The following TALDO1 variants were observed in gnomAD, a reference collection of about 807,000 sequenced individuals.
TALDO1 encodes transaldolase 1, also known as transaldolase.
Under a neutral mutation model 38.1 loss-of-function variants are expected in TALDO1, and 29 were observed. The ratio of observed to expected loss-of-function variants is 0.76; its 90% CI spans 0.57 to 1.04. The LOEUF (loss-of-function observed/expected upper bound fraction) is 1.04, where lower values mean the gene tolerates loss of function less well. Among genes scored for constraint, TALDO1 ranks in the 50% least tolerant of loss-of-function variants. TALDO1 has a pLI of 0.00. For missense variants in TALDO1, 499 were observed against 438.1 expected (o/e 1.14, Z -1.24); for synonymous variants, 207 against 176.8 (o/e 1.17, Z -1.36).
intron 1 of TALDO1, 34 bp downstream of exon 1, chr11:747,612 G>A: frequency 6.5e-7 from 1 of 1,531,060 alleles, no homozygotes; most frequent in Non-Finnish European, 8.8e-7. Flanking sequence ...CGCGGCGCAA[G>A]CGCCCTCCAG....
intron 2 of TALDO1, among the ~76,000 whole-genome samples, 195 bp from the exon 3 acceptor site, chr11:758,755 C>T (rs1444066519): frequency 6.6e-6 from 1 of 152,122 alleles, no homozygotes; most frequent in Non-Finnish European, 1.5e-5. Context: ...CAGGCACCCG[C>T]CACCATGCCC....
intron 1 of TALDO1, among the ~76,000 whole-genome samples, chr11:751,455 G>A (rs1590067394): frequency 6.6e-6 from 1 of 152,010 alleles, no homozygotes; most frequent in African/African-American, 2.4e-5. Flanking sequence ...GGATTGTTTG[G>A]GCCTAGCAGT....
rs149702835 is a variant in TALDO1 at position 760,163 on chromosome 11, G to A, written c.371G>A (p.Arg124Gln). 18 of 1,614,016 alleles carry A rather than the reference G, an allele frequency of 1.1e-5. No individual in the cohort carries two copies. The highest frequency in any genetic ancestry group is 1.6e-4 in the Middle Eastern group (1 of 6,084). ...DKDAMVARAR[R>Q]LIELYKEAGI... ...GATGCGATGGTGGCCAGAGCCAGGCGGCTCATCGAGCTCTACAAGGAAGCT... is the reference window on the plus strand; with the variant it reads ...GATGCGATGGTGGCCAGAGCCAGGCAGCTCATCGAGCTCTACAAGGAAGCT... Residue 124 changes from arginine (R) to glutamine (Q), a missense_variant, in exon 4 of 8, where the codon CGG (arginine) becomes CAG (glutamine). Arg to Gln is a conservative substitution (Grantham distance 43). Coordinates refer to ENST00000319006, the MANE Select transcript of TALDO1 (RefSeq NM_006755.2).
At chr11:762,728 G>A (rs914983419) in intron 4 of TALDO1, among the ~76,000 whole-genome samples, 25 of 152,348 alleles carry the variant, frequency 1.6e-4, no homozygotes, top group Admixed American at 1.2e-3. Flanking sequence ...GCACTGCTCC[G>A]TCCTTGGGGA....
chr11:763,454 G>T lies in TALDO1; in HGVS notation c.572G>T (p.Gly191Val). The T allele has an allele frequency of 6.2e-7, 1 of 1,613,474 alleles. No individual in the cohort carries two copies. Among genetic ancestry groups the T allele is most frequent in the Non-Finnish European group, 8.5e-7 (1 of 1,179,898 alleles). ...GTGACCCTCATCTCCCCATTTGTTG[G>T]GCGCATCCTTGATTGGCATGTGGCA... ...AGVTLISPFV[G>V]RILDWHVANT... The change falls in exon 5 of 8, where the codon GGG becomes GTG. Residue 191 changes from glycine (G) to valine (V), a missense_variant. By Grantham distance (109) the Gly-to-Val change is moderately radical. Coordinates refer to ENST00000319006, the MANE Select transcript of TALDO1 (RefSeq NM_006755.2).
At position 761,836 on chromosome 11, in the gene TALDO1, T is replaced by C. The variant is rs137967523; in HGVS notation, c.462-1508T>C. Among the ~76,000 whole-genome samples the C allele has an allele frequency of 1.8e-4, 27 of 152,272 alleles. 1 individual carries two copies. In the South Asian group the frequency reaches 5.0e-3, roughly 28 times the overall value. On this transcript the variant is annotated intron_variant, in intron 4 of 7. Transcript: ENST00000319006. Reference sequence around the variant, plus strand: ...GGATGACAAGCACACATACCACTCCTGGGTAATTTCACCACGTTCCCCAGG... The same window carrying C: ...GGATGACAAGCACACATACCACTCCCGGGTAATTTCACCACGTTCCCCAGG...
chr11:756,118 A>G, intron 2 of TALDO1, 116 bp downstream of exon 2: 6 of 1,425,486 alleles, frequency 4.2e-6, no homozygotes, highest in South Asian at 2.7e-5. Context: ...AGGGGGGAAA[A>G]AAACCCTATC....
intron 1 of TALDO1, 121 bp from the exon 2 acceptor site, chr11:755,758 C>T: frequency 1.4e-6 from 2 of 1,459,346 alleles, no homozygotes; most frequent in South Asian, 1.2e-5. Context: ...GTGGCTGGAC[C>T]CCGCTTTCGG....
intron 4 of TALDO1, chr11:761,031 A>AAAAAG (rs1414632791): frequency 6.8e-6 from 1 of 146,660 alleles, no homozygotes; most frequent in African/African-American, 2.5e-5. Flanking sequence ...ACTCTGTCTC[A>AAAAAG]AAAAGAAAAG....
In TALDO1 at chr11:763,853, C is replaced by A. The variant is rs767949239; in HGVS notation, c.744C>A (p.Ala248=). Residue 248 remains alanine, a synonymous_variant, in exon 6 of 8, where the codon GCC becomes GCA. Transcript: ENST00000319006. ...FRNTGEIKAL[A]GCDFLTISPK... is the part of the protein sequence containing the mutation. Reference sequence around the variant, plus strand: ...ACACGGGCGAGATCAAAGCACTGGCCGGCTGTGACTTCCTCACCATCTCAC... The same window carrying A: ...ACACGGGCGAGATCAAAGCACTGGCAGGCTGTGACTTCCTCACCATCTCAC... 6.2e-7 allele frequency: 1 copy of A among 1,613,964 alleles called. No individual in the cohort carries two copies. Among genetic ancestry groups the A allele is most frequent in the Non-Finnish European group, 8.5e-7 (1 of 1,180,016 alleles).
At chr11:754,768 G>A (rs1041441131) in intron 1 of TALDO1, among the ~76,000 whole-genome samples, 3 of 152,124 alleles carry the variant, frequency 2.0e-5, no homozygotes, top group African/African-American at 2.4e-5. Flanking sequence ...CACTGCACCC[G>A]GCCTGAATTT....
At chr11:762,023 T>C (rs1489289604) in intron 4 of TALDO1, among the ~76,000 whole-genome samples, 1 of 152,020 alleles carries the variant, frequency 6.6e-6, no homozygotes, top group Non-Finnish European at 1.5e-5. Context: ...TGGAGTGCAA[T>C]GGTGCTATCT....
chr11:761,335 C>CAAAA (rs71022968), intron 4 of TALDO1, among the ~76,000 whole-genome samples: 2 of 82,070 alleles, frequency 2.4e-5, no homozygotes, highest in East Asian at 4.0e-4. Context: ...GACTCCATCT[C>CAAAA]AAAAAAAAAA....
rs1032837025 is a variant in TALDO1 at position 755,529 on chromosome 11, T to C, written c.98-350T>C. Among the ~76,000 whole-genome samples the C allele has an allele frequency of 3.9e-5, 6 of 152,318 alleles. No individual in the cohort carries two copies. In the East Asian group the frequency reaches 9.7e-4, roughly 25 times the overall value. On this transcript the variant is annotated intron_variant, in intron 1 of 7. Coordinates refer to ENST00000319006, the MANE Select transcript of TALDO1 (RefSeq NM_006755.2). ...TCAGCGTTCACATGTGGCTCATGACTAGACCGCGCGCCTCCTTGTGGTGGT... is the reference window on the plus strand; with the variant it reads ...TCAGCGTTCACATGTGGCTCATGACCAGACCGCGCGCCTCCTTGTGGTGGT...
At chr11:748,990 C>T (rs939358215) in intron 1 of TALDO1, among the ~76,000 whole-genome samples, 6 of 152,180 alleles carry the variant, frequency 3.9e-5, no homozygotes, top group Non-Finnish European at 4.4e-5. Context: ...AGAGCTGGTG[C>T]GGAGTGTCAG....
rs1863011917 is a variant in TALDO1, at chr11:764,388, C to T, written c.936C>T (p.Ile312=). Residue 312 remains isoleucine, a synonymous_variant, in exon 7 of 8, where the codon ATC becomes ATT. Coordinates refer to ENST00000319006, the MANE Select transcript of TALDO1 (RefSeq NM_006755.2). The part of the protein sequence containing the change: ...QMAVEKLSDG[I]RKFAADAVKL... ...CTGTGGAGAAGCTCTCTGACGGGAT[C>T]CGCAAGTTTGCCGCTGATGCAGTGA... The T allele has an allele frequency of 1.9e-6, 3 of 1,613,142 alleles. No homozygotes were observed. Among genetic ancestry groups the T allele is most frequent in the Non-Finnish European group, 2.5e-6 (3 of 1,179,430 alleles).
At position 760,739 on chromosome 11, in the gene TALDO1, C is replaced by A. The variant is rs533608577; in HGVS notation, c.461+486C>A. The A allele has an allele frequency of 2.3e-5, 4 of 174,678 alleles. No homozygotes were observed. In the South Asian group the frequency reaches 4.9e-4, roughly 21 times the overall value. 10.8% of individuals were successfully genotyped at this position (174,678 alleles called of 1,614,324 possible). A position where few individuals can be genotyped will look rare whatever the true frequency, so the allele number is the denominator to read the frequency against. On this transcript the variant is annotated intron_variant, in intron 4 of 7. Transcript: ENST00000319006. Reference sequence around the variant, plus strand: ...CCTGGGCAACAAAGTGAAACCTTGTCTCTACAAAAATATAAAGAAATTTTA... The same window carrying A: ...CCTGGGCAACAAAGTGAAACCTTGTATCTACAAAAATATAAAGAAATTTTA...
At chr11:756,318 A>T in intron 2 of TALDO1, 1 of 347,600 alleles carries the variant, frequency 2.9e-6, no homozygotes. Context: ...AGCTCTGGTA[A>T]CACTTACCTT....
chr11:752,078 CT>C (rs922328675), intron 1 of TALDO1, among the ~76,000 whole-genome samples: 12 of 150,550 alleles, frequency 8.0e-5, no homozygotes, highest in African/African-American at 2.2e-4. Flanking sequence ...CTTTTCTTTT[CT>C]TTTTTTTTGG....
Sources: gnomAD v4.1 joint callset for allele counts (sites outside exome capture counted in the v4.1 genomes callset) on GRCh38, gnomAD v4.1.1 for gene constraint, MANE v1.5 for transcripts, NCBI Gene and HGNC (gene_info 2026-07-23, HGNC 2026-07-21) for gene names.